Variants in RTN1 observed in about 807,000 individuals in gnomAD.
RTN1 encodes the protein reticulon 1.
RTN1 carries 25 observed loss-of-function variants against 65.5 expected under a neutral mutation model. The observed-to-expected ratio is 0.38, with a 90% confidence interval of 0.28 to 0.53. RTN1 has a LOEUF of 0.53. Ranked by LOEUF, RTN1 falls within the 20% of genes least tolerant of loss-of-function variation. The pLI is 0.79. For synonymous variants in RTN1, 471 were observed against 447.6 expected, an observed-to-expected ratio of 1.05 and a Z score of -0.66; for missense variants, 983 against 1,025.4, an observed-to-expected ratio of 0.96 and a Z score of 0.57.
chr14:59,669,168 C>T (rs1883446293), intron 3 of RTN1, among the ~76,000 whole-genome samples: 1 of 152,108 alleles, frequency 6.6e-6, no homozygotes. Flanking sequence ...ATGTTTATTG[C>T]AGCAATATTC....
intron 3 of RTN1, among the ~76,000 whole-genome samples, chr14:59,636,018 C>T (rs899672264): frequency 6.6e-6 from 1 of 152,100 alleles, no homozygotes; most frequent in African/African-American, 2.4e-5. Context: ...ATATATCTAA[C>T]TTGTACCAGC....
intron 3 of RTN1, among the ~76,000 whole-genome samples, chr14:59,616,180 C>A: frequency 6.6e-6 from 1 of 152,062 alleles, no homozygotes; most frequent in African/African-American, 2.4e-5. Context: ...TGTGTAAATG[C>A]GTTATTGGTA....
At chr14:59,620,630 C>A (rs566778460) in intron 3 of RTN1, among the ~76,000 whole-genome samples, 12 of 152,032 alleles carry the variant, frequency 7.9e-5, no homozygotes, top group South Asian at 2.1e-4. Context: ...ATATTTGTGG[C>A]TTATATTATA....
At chr14:59,820,293 C>G in intron 1 of RTN1, among the ~76,000 whole-genome samples, 1 of 148,362 alleles carries the variant, frequency 6.7e-6, no homozygotes, top group East Asian at 2.0e-4. Flanking sequence ...GGATATTAGA[C>G]CTTGTTAGAC....
intron 3 of RTN1, among the ~76,000 whole-genome samples, chr14:59,705,609 T>A (rs984842870): frequency 1.3e-5 from 2 of 152,210 alleles, no homozygotes; most frequent in Non-Finnish European, 2.9e-5. Context: ...TGTCCCAGAT[T>A]TTTTGAAGAT....
intron 3 of RTN1, among the ~76,000 whole-genome samples, chr14:59,707,740 CACAA>C (rs1884329135): frequency 1.3e-5 from 2 of 148,878 alleles, no homozygotes; most frequent in Non-Finnish European, 3.0e-5. Context: ...CACACACACA[CACAA>C]ATACATACAC....
intron 6 of RTN1, 178 bp downstream of exon 6, chr14:59,603,674 A>T: frequency 2.5e-6 from 1 of 406,562 alleles, no homozygotes; most frequent in Non-Finnish European, 4.4e-6. Flanking sequence ...TTATTAGTGT[A>T]TAATATATAT....
At chr14:59,807,476 A>G (rs1427186885) in intron 1 of RTN1, among the ~76,000 whole-genome samples, 2 of 152,204 alleles carry the variant, frequency 1.3e-5, no homozygotes, top group East Asian at 3.8e-4. Context: ...GAGGAATTCA[A>G]CAGCCTTTCA....
intron 3 of RTN1, among the ~76,000 whole-genome samples, chr14:59,657,514 G>A (rs952784527): frequency 6.6e-6 from 1 of 152,190 alleles, no homozygotes; most frequent in Non-Finnish European, 1.5e-5. Flanking sequence ...ACAGAAGGTG[G>A]GTGATTTCTG....
At chr14:59,623,584 T>C (rs189427075) in intron 3 of RTN1, among the ~76,000 whole-genome samples, 4 of 152,330 alleles carry the variant, frequency 2.6e-5, no homozygotes, top group Admixed American at 1.3e-4. Flanking sequence ...AGAATGGTTG[T>C]CTTCATGTAC....
chr14:59,645,435 T>C (rs1882873206), intron 3 of RTN1, among the ~76,000 whole-genome samples: 1 of 152,028 alleles, frequency 6.6e-6, no homozygotes, highest in African/African-American at 2.4e-5. Flanking sequence ...TTCTACATGT[T>C]ACATGTTTTC....
At chr14:59,796,323 C>T (rs994766917) in intron 1 of RTN1, among the ~76,000 whole-genome samples, 1 of 152,138 alleles carries the variant, frequency 6.6e-6, no homozygotes, top group East Asian at 1.9e-4. Context: ...CACATGATGA[C>T]AAAATTGCCT....
chr14:59,747,652 G>C (rs1172452676), intron 1 of RTN1, among the ~76,000 whole-genome samples: 2 of 152,140 alleles, frequency 1.3e-5, no homozygotes, highest in African/African-American at 4.8e-5. Flanking sequence ...ACCCTCCACT[G>C]TTTTACTTTG....
intron 3 of RTN1, among the ~76,000 whole-genome samples, chr14:59,699,762 G>A (rs1331826950): frequency 3.3e-5 from 5 of 152,106 alleles, no homozygotes; most frequent in Non-Finnish European, 5.9e-5. Flanking sequence ...AATAGAAAGC[G>A]ATGATCCAGA....
chr14:59,604,166 G>A, intron 5 of RTN1: 1 of 258,038 alleles, frequency 3.9e-6, no homozygotes, highest in East Asian at 6.5e-5. Flanking sequence ...AATCTACGAA[G>A]CTGTGGCCCT....
chr14:59,799,016 T>C (rs1886489999), intron 1 of RTN1, among the ~76,000 whole-genome samples: 2 of 152,198 alleles, frequency 1.3e-5, no homozygotes, highest in Non-Finnish European at 2.9e-5. Context: ...CATGTCTGAA[T>C]TTTTCTAAAA....
intron 3 of RTN1, among the ~76,000 whole-genome samples, chr14:59,656,396 T>A (rs535890306): frequency 2.6e-5 from 4 of 152,322 alleles, no homozygotes; most frequent in South Asian, 2.1e-4. Context: ...AAGAAAAAAA[T>A]TGGAATAAGA....
intron 3 of RTN1, among the ~76,000 whole-genome samples, chr14:59,654,461 T>C (rs536864407): frequency 1.6e-4 from 21 of 133,602 alleles, no homozygotes; most frequent in African/African-American, 5.9e-4. Flanking sequence ...GGAGGGAAAA[T>C]ATCCCATCTC....
At chr14:59,729,062 G>A (rs529130379) in intron 2 of RTN1, among the ~76,000 whole-genome samples, 3 of 152,306 alleles carry the variant, frequency 2.0e-5, no homozygotes, top group East Asian at 1.9e-4. Flanking sequence ...AGGGGAGTCC[G>A]TGTAGGCCTC....
Sources: gnomAD v4.1 joint callset for allele counts (sites outside exome capture counted in the v4.1 genomes callset) on GRCh38, gnomAD v4.1.1 for gene constraint, MANE v1.5 for transcripts, NCBI Gene and HGNC (gene_info 2026-07-23, HGNC 2026-07-21) for gene names.